The following CUX1 variants were observed in gnomAD, a reference collection of about 807,000 sequenced individuals.
CUX1 encodes the protein cut like homeobox 1.
CUX1 carries 31 observed loss-of-function variants against 158.8 expected under a neutral mutation model. The ratio of observed to expected loss-of-function variants is 0.20; its 90% CI spans 0.15 to 0.26. The LOEUF (loss-of-function observed/expected upper bound fraction) is 0.26. Among genes scored for constraint, CUX1 ranks in the 10% least tolerant of loss-of-function variants. The pLI is 1.00. For missense variants in CUX1, 1,589 were observed against 2,014.6 expected, an observed-to-expected ratio of 0.79 and a Z score of 4.04; for synonymous variants, 879 against 862.1, an observed-to-expected ratio of 1.02 and a Z score of -0.34.
chr7:101,913,766 C>T (rs1315691724), intron 1 of CUX1, among the ~76,000 whole-genome samples: 12 of 152,200 alleles, frequency 7.9e-5, no homozygotes, highest in African/African-American at 2.9e-4. Context: ...GACCCCCGGC[C>T]AAAAGCAGTC....
At chr7:102,272,202 G>A (rs1175918034) in intron 14 of CUX1, among the ~76,000 whole-genome samples, 1 of 152,206 alleles carries the variant, frequency 6.6e-6, no homozygotes, top group Admixed American at 6.5e-5. Context: ...GACTTGGTGT[G>A]CAGTGGGAAC....
intron 1 of CUX1, among the ~76,000 whole-genome samples, chr7:101,846,251 C>G (rs1795675818): frequency 6.6e-6 from 1 of 152,186 alleles, no homozygotes; most frequent in Non-Finnish European, 1.5e-5. Context: ...GCTGCCAGGG[C>G]TGATGCCCAT....
chr7:101,863,906 C>T (rs1402294078), intron 1 of CUX1, among the ~76,000 whole-genome samples: 2 of 152,168 alleles, frequency 1.3e-5, no homozygotes, highest in Non-Finnish European at 1.5e-5. Flanking sequence ...GAACAATATT[C>T]CGTGGTGTGT....
At chr7:102,068,461 G>A (rs1384863872) in intron 3 of CUX1, among the ~76,000 whole-genome samples, 1 of 151,692 alleles carries the variant, frequency 6.6e-6, no homozygotes, top group African/African-American at 2.4e-5. Context: ...GTGGAAATGT[G>A]TCTGAGTTCC....
chr7:102,145,396 A>G (rs1229655656), intron 8 of CUX1, among the ~76,000 whole-genome samples: 1 of 151,774 alleles, frequency 6.6e-6, no homozygotes, highest in African/African-American at 2.4e-5. Context: ...TTTTTGGCCA[A>G]AAGCCCCTTT....
intron 10 of CUX1, among the ~76,000 whole-genome samples, chr7:102,172,202 G>T (rs947631036): frequency 1.3e-5 from 2 of 151,480 alleles, no homozygotes; most frequent in Non-Finnish European, 1.5e-5. Context: ...AGCAATTCTC[G>T]TGCCTCAGCC....
intron 11 of CUX1, among the ~76,000 whole-genome samples, chr7:102,180,866 T>C (rs1281478928): frequency 6.6e-6 from 1 of 151,760 alleles, no homozygotes; most frequent in African/African-American, 2.4e-5. Context: ...CCTGGTTCTG[T>C]CTGTCCTCAG....
intron 2 of CUX1, among the ~76,000 whole-genome samples, chr7:101,932,170 G>A (rs576916027): frequency 2.0e-5 from 3 of 152,328 alleles, no homozygotes; most frequent in South Asian, 4.1e-4. Context: ...GGGAAATGTC[G>A]GCCCTGGGCC....
intron 1 of CUX1, among the ~76,000 whole-genome samples, chr7:101,899,338 C>A (rs1801891875): frequency 1.3e-5 from 2 of 152,122 alleles, no homozygotes; most frequent in Non-Finnish European, 2.9e-5. Context: ...CACTTGAGGT[C>A]AGGAGTTCGA....
At chr7:101,831,507 G>A (rs1794006788) in intron 1 of CUX1, among the ~76,000 whole-genome samples, 1 of 152,026 alleles carries the variant, frequency 6.6e-6, no homozygotes, top group Non-Finnish European at 1.5e-5. Context: ...GGCCTGGCTG[G>A]TCTCGAACTC....
At position 102,060,770 on chromosome 7, in the gene CUX1, A is replaced by C. The variant is rs376662162; in HGVS notation, c.190-9569A>C. Among the ~76,000 whole-genome samples, 3 of 150,922 alleles carry C rather than the reference A, an allele frequency of 2.0e-5. No homozygotes were observed. The South Asian group carries it at 6.3e-4, about 32-fold the overall frequency. ...TGGGATTACAGGTGCCTGCCACCAC[A>C]CCTGGCTGATTTTTTGTATTTTTAG... On this transcript the variant is annotated intron_variant, in intron 3 of 23. Transcript: ENST00000292535.
chr7:102,042,525 G>A (rs1006648950), intron 3 of CUX1, among the ~76,000 whole-genome samples: 21 of 152,118 alleles, frequency 1.4e-4, no homozygotes, highest in Non-Finnish European at 2.9e-4. Context: ...TACTCTGGCC[G>A]AACTGGCCTG....
chr7:102,005,841 T>C (rs751706853), intron 2 of CUX1, among the ~76,000 whole-genome samples: 13 of 152,148 alleles, frequency 8.5e-5, no homozygotes, highest in African/African-American at 2.9e-4. Flanking sequence ...TAGCTCCTCT[T>C]AGGCCCTTTC....
chr7:102,178,786 T>A, intron 11 of CUX1, 129 bp downstream of exon 11: 1 of 985,984 alleles, frequency 1.0e-6, no homozygotes, highest in Non-Finnish European at 1.5e-6. Context: ...CTCTGTAAAG[T>A]AGCACCAAGC....
At chr7:101,945,771 C>T (rs371657500) in intron 2 of CUX1, among the ~76,000 whole-genome samples, 1 of 152,174 alleles carries the variant, frequency 6.6e-6, no homozygotes, top group Non-Finnish European at 1.5e-5. Flanking sequence ...GGGAGCCAGA[C>T]GTGTCTGCTG....
chr7:102,274,080 G>A, intron 15 of CUX1: 1 of 647,346 alleles, frequency 1.5e-6, no homozygotes, highest in Middle Eastern at 4.3e-4. Flanking sequence ...GGTAGCTCAT[G>A]TCACGTGTCC....
intron 4 of CUX1, among the ~76,000 whole-genome samples, chr7:102,072,260 C>T (rs1585533287): frequency 6.6e-6 from 1 of 152,198 alleles, no homozygotes; most frequent in East Asian, 1.9e-4. Flanking sequence ...TTGAGGTTTC[C>T]CATTGGCAAT....
At chr7:102,148,368 G>A (rs868947190) in intron 8 of CUX1, among the ~76,000 whole-genome samples, 92 of 151,966 alleles carry the variant, frequency 6.1e-4, no homozygotes, top group African/African-American at 2.0e-3. Flanking sequence ...GTGAAACCCC[G>A]TCTCTACTAA....
chr7:102,118,296 G>A (rs1831645726), intron 8 of CUX1, among the ~76,000 whole-genome samples: 1 of 152,180 alleles, frequency 6.6e-6, no homozygotes, highest in South Asian at 2.1e-4. Flanking sequence ...CCAGCACTTT[G>A]GGAGCCTGAG....
Sources: gnomAD v4.1 joint callset for allele counts (sites outside exome capture counted in the v4.1 genomes callset) on GRCh38, gnomAD v4.1.1 for gene constraint, MANE v1.5 for transcripts, NCBI Gene and HGNC (gene_info 2026-07-23, HGNC 2026-07-21) for gene names.